Variants in OSTN observed in about 807,000 individuals in gnomAD.
OSTN encodes the protein osteocrin.
In OSTN, 9 loss-of-function variants were observed where a neutral mutation model predicts 12.0. That is an observed-to-expected ratio of 0.75 (90% confidence interval 0.45 to 1.30). OSTN has a LOEUF of 1.30. Among genes scored for constraint, OSTN ranks in the 50% most tolerant of loss-of-function variants. OSTN has a pLI of 0.00. For synonymous variants in OSTN, 59 were observed against 56.9 expected (o/e 1.04, Z -0.16); for missense variants, 148 against 152.3 (o/e 0.97, Z 0.15).
chr3:191,200,401 C>T (rs999253389), intron 1 of OSTN, among the ~76,000 whole-genome samples: 12 of 152,092 alleles, frequency 7.9e-5, no homozygotes, highest in African/African-American at 2.9e-4. Flanking sequence ...AGTAGAGAAG[C>T]AGATATCTTC....
intron 1 of OSTN, among the ~76,000 whole-genome samples, chr3:191,208,360 C>T (rs1467683550): frequency 6.6e-6 from 1 of 152,196 alleles, no homozygotes; most frequent in African/African-American, 2.4e-5. Context: ...TTGTAGCAAT[C>T]AAGTTTCAAC....
intron 1 of OSTN, 106 bp from the exon 2 acceptor site, chr3:191,212,427 A>G (rs1017257135): frequency 4.3e-6 from 2 of 468,938 alleles, no homozygotes; most frequent in African/African-American, 4.0e-5. Context: ...CTGAAGCCGA[A>G]TAATTTGGCT....
intron 3 of OSTN, among the ~76,000 whole-genome samples, chr3:191,223,702 T>C (rs1714828261): frequency 6.6e-6 from 1 of 152,016 alleles, no homozygotes; most frequent in Non-Finnish European, 1.5e-5. Flanking sequence ...TATATAAAAA[T>C]ATTAATACAA....
In OSTN at chr3:191,263,187, G is replaced by C; in HGVS notation, c.*334G>C. 3.9e-6 allele frequency: 1 copy of C among 258,108 alleles called. No homozygotes were observed. Among genetic ancestry groups the C allele is most frequent in the Non-Finnish European group, 7.3e-6 (1 of 137,418 alleles). The allele number at this position is 258,108 out of a possible 1,614,324, so 16.0% of individuals were successfully genotyped here. On this transcript the variant is annotated 3_prime_UTR_variant, in exon 5 of 5. Coordinates refer to ENST00000682035, the MANE Select transcript of OSTN (RefSeq NM_198184.2). Reference sequence around the variant, plus strand: ...GTATGGATTTACCATGCACATGTTTGTAGTCAAAGAATAATAACAAAAGAC... The same window carrying C: ...GTATGGATTTACCATGCACATGTTTCTAGTCAAAGAATAATAACAAAAGAC...
At chr3:191,261,969 C>A (rs1318295970) in intron 4 of OSTN, among the ~76,000 whole-genome samples, 3 of 152,224 alleles carry the variant, frequency 2.0e-5, no homozygotes, top group African/African-American at 7.2e-5. Context: ...GTAATCCCAG[C>A]ACTTTGGGAG....
chr3:191,259,799 T>A (rs1212803679), intron 4 of OSTN, among the ~76,000 whole-genome samples: 1 of 151,706 alleles, frequency 6.6e-6, no homozygotes, highest in Non-Finnish European at 1.5e-5. Flanking sequence ...TTTTGCCCTT[T>A]AATTTAGTCA....
intron 3 of OSTN, among the ~76,000 whole-genome samples, chr3:191,237,738 T>A (rs935518216): frequency 1.3e-5 from 2 of 152,222 alleles, no homozygotes; most frequent in Non-Finnish European, 2.9e-5. Context: ...TTCTGATCTA[T>A]AGAGAAACTG....
intron 3 of OSTN, among the ~76,000 whole-genome samples, chr3:191,248,099 G>A (rs551343174): frequency 5.9e-5 from 9 of 151,998 alleles, no homozygotes; most frequent in Non-Finnish European, 8.8e-5. Context: ...CTCCCAAAGC[G>A]CTGGGATTAC....
intron 1 of OSTN, among the ~76,000 whole-genome samples, chr3:191,211,034 T>A (rs1714405182): frequency 6.6e-6 from 1 of 152,220 alleles, no homozygotes. Context: ...TGTGTAAGAT[T>A]TTTACATATT....
intron 3 of OSTN, among the ~76,000 whole-genome samples, chr3:191,225,412 T>C (rs1268763895): frequency 6.6e-6 from 1 of 152,190 alleles, no homozygotes; most frequent in Non-Finnish European, 1.5e-5. Flanking sequence ...ATAATTTCAA[T>C]AGTACTTTAT....
chr3:191,214,436 C>CAAAAA (rs71298518), intron 2 of OSTN, among the ~76,000 whole-genome samples: 1 of 19,346 alleles, frequency 5.2e-5, no homozygotes, highest in Non-Finnish European at 1.3e-4. Flanking sequence ...GACTCCATCT[C>CAAAAA]AAAAAAAAAA....
intron 4 of OSTN, among the ~76,000 whole-genome samples, chr3:191,255,155 T>C (rs1165017728): frequency 6.6e-6 from 1 of 152,102 alleles, no homozygotes; most frequent in African/African-American, 2.4e-5. Context: ...ACACACAACC[T>C]AGATCCCTTG....
At position 191,209,972 on chromosome 3, in the gene OSTN, T is replaced by G. The variant is rs1412772467; in HGVS notation, c.1-2561T>G. ...TATGGCAGCTACCTGTATTAGTCCA[T>G]TCTCACACTGCTATAAAGAAATACC... On this transcript the variant is annotated intron_variant, in intron 1 of 4. Transcript: ENST00000682035. 2.6e-5 allele frequency among the ~76,000 whole-genome samples: 4 copies of G among 152,210 alleles called. No homozygotes were observed. The East Asian group carries it at 7.7e-4, about 29-fold the overall frequency.
At chr3:191,202,409 A>G (rs1714170827) in intron 1 of OSTN, among the ~76,000 whole-genome samples, 1 of 152,232 alleles carries the variant, frequency 6.6e-6, no homozygotes, top group African/African-American at 2.4e-5. Context: ...CAACAGGAAG[A>G]CAGAGAAAGT....
chr3:191,204,910 TA>T (rs1714233673), intron 1 of OSTN, among the ~76,000 whole-genome samples: 1 of 152,214 alleles, frequency 6.6e-6, no homozygotes, highest in African/African-American at 2.4e-5. Context: ...TTCAGCTTCA[TA>T]ACAATCACTT....
At chr3:191,206,023 A>G in intron 1 of OSTN, among the ~76,000 whole-genome samples, 1 of 152,088 alleles carries the variant, frequency 6.6e-6, no homozygotes, top group Non-Finnish European at 1.5e-5. Flanking sequence ...TGTCTCTAGT[A>G]AAAATACAAA....
intron 3 of OSTN, among the ~76,000 whole-genome samples, chr3:191,230,998 G>A (rs11916081): frequency 6.6e-6 from 1 of 151,970 alleles, no homozygotes; most frequent in Non-Finnish European, 1.5e-5. Context: ...GAATCCCTCC[G>A]AATGCATACT....
At chr3:191,242,863 A>G (rs1454393731) in intron 3 of OSTN, among the ~76,000 whole-genome samples, 1 of 152,226 alleles carries the variant, frequency 6.6e-6, no homozygotes, top group Non-Finnish European at 1.5e-5. Flanking sequence ...AAAAATCACA[A>G]TAAAGAAGAT....
chr3:191,246,105 TA>T (rs1280416147), intron 3 of OSTN, among the ~76,000 whole-genome samples: 1 of 151,354 alleles, frequency 6.6e-6, no homozygotes, highest in Non-Finnish European at 1.5e-5. Context: ...GTAAACGTAT[TA>T]TTTTTTCATG....
Sources: allele counts gnomAD v4.1 joint callset (sites outside exome capture counted in the v4.1 genomes callset), GRCh38; gene constraint gnomAD v4.1.1; transcripts MANE v1.5; gene names NCBI Gene and HGNC (gene_info 2026-07-23, HGNC 2026-07-21).